Variants in UNC13B observed in about 807,000 individuals in gnomAD.
The protein encoded by UNC13B is protein unc-13 homolog B.
Under a neutral mutation model 211.0 loss-of-function variants are expected in UNC13B, and 144 were observed. The observed-to-expected ratio is 0.68, with a 90% CI of 0.60 to 0.78. UNC13B has a LOEUF of 0.78. Ranked by LOEUF, UNC13B falls within the 30% of genes least tolerant of loss-of-function variation. The pLI is 0.00. For synonymous variants in UNC13B, 709 were observed against 725.8 expected, an observed-to-expected ratio of 0.98 and a Z score of 0.37; for missense variants, 1,777 against 2,002.0, an observed-to-expected ratio of 0.89 and a Z score of 2.14.
intron 1 of UNC13B, among the ~76,000 whole-genome samples, chr9:35,180,023 C>A (rs543858412): frequency 6.6e-6 from 1 of 152,188 alleles, no homozygotes; most frequent in South Asian, 2.1e-4. Flanking sequence ...AAACAGTAAC[C>A]ATAGAAATCT....
chr9:35,351,580 C>T, intron 11 of UNC13B: 1 of 1,232,250 alleles, frequency 8.1e-7, no homozygotes, highest in Non-Finnish European at 1.0e-6. Flanking sequence ...CCTTGGGACC[C>T]TCCTCCAGGC....
chr9:35,359,341 A>G (rs1248418762), intron 11 of UNC13B, among the ~76,000 whole-genome samples: 2 of 151,978 alleles, frequency 1.3e-5, no homozygotes, highest in South Asian at 2.1e-4. Flanking sequence ...CCTCTCCCCA[A>G]CCTTGTAGCA....
intron 21 of UNC13B, among the ~76,000 whole-genome samples, chr9:35,383,384 T>C (rs1233651697): frequency 6.6e-6 from 1 of 152,198 alleles, no homozygotes; most frequent in Admixed American, 6.5e-5. Flanking sequence ...AAAATTACCA[T>C]TTTGGGCATA....
chr9:35,332,196 C>T (rs555318905), intron 11 of UNC13B, among the ~76,000 whole-genome samples: 20 of 152,098 alleles, frequency 1.3e-4, no homozygotes, highest in South Asian at 2.1e-4. Context: ...ATAATCCACC[C>T]GCCTCGGCCT....
intron 11 of UNC13B, among the ~76,000 whole-genome samples, chr9:35,354,988 A>G (rs568042327): frequency 1.2e-4 from 19 of 152,370 alleles, no homozygotes; most frequent in African/African-American, 4.6e-4. Flanking sequence ...AAGATTAAAA[A>G]TAACCTAAAA....
intron 7 of UNC13B, 125 bp downstream of exon 7, chr9:35,259,175 G>A: frequency 9.9e-7 from 1 of 1,013,948 alleles, no homozygotes. Flanking sequence ...TATTCCTGAA[G>A]CACATCTGTT....
intron 30 of UNC13B, 85 bp from the exon 31 acceptor site, chr9:35,398,126 C>A: frequency 7.7e-7 from 1 of 1,302,330 alleles, no homozygotes; most frequent in Non-Finnish European, 1.1e-6. Context: ...GTCCCTGTGG[C>A]TTTTGTGAGA....
At position 35,398,890 on chromosome 9, in the gene UNC13B, T is replaced by A; in HGVS notation, c.11930T>A (p.Val3977Glu). ...LSMVFGNSFQ[V>E]RIDECVRQMA... ...TGCGGGCACATGTGTAGTTTCCAGG[T>A]ACGGATTGATGAGTGTGTTCGACAA... Residue 3977 changes from valine to glutamate, a missense_variant, in exon 33 of 40, where the codon GTA (valine) becomes GAA (glutamate). Coordinates refer to ENST00000635942, the MANE Select transcript of UNC13B (RefSeq NM_001371189.2). 6.2e-7 allele frequency: 1 copy of A among 1,613,748 alleles called. No individual in the cohort carries two copies. Among genetic ancestry groups the A allele is most frequent in the Non-Finnish European group, 8.5e-7 (1 of 1,179,818 alleles).
At chr9:35,198,229 A>G (rs1300794836) in intron 1 of UNC13B, among the ~76,000 whole-genome samples, 1 of 152,218 alleles carries the variant, frequency 6.6e-6, no homozygotes, top group Non-Finnish European at 1.5e-5. Flanking sequence ...CGGAGTTCTC[A>G]TGAATAGGTC....
chr9:35,372,505 G>T (rs1230897253), intron 13 of UNC13B, among the ~76,000 whole-genome samples: 1 of 143,028 alleles, frequency 7.0e-6, no homozygotes, highest in Non-Finnish European at 1.5e-5. Context: ...AACTCTCTGG[G>T]CTTGGCAGAT....
At chr9:35,179,831 A>G (rs1257152083) in intron 1 of UNC13B, among the ~76,000 whole-genome samples, 1 of 152,140 alleles carries the variant, frequency 6.6e-6, no homozygotes, top group Non-Finnish European at 1.5e-5. Context: ...ATGATACTTT[A>G]GTGGTTTTAG....
At chr9:35,233,367 A>G (rs1825316881) in intron 3 of UNC13B, among the ~76,000 whole-genome samples, 1 of 152,004 alleles carries the variant, frequency 6.6e-6, no homozygotes, top group African/African-American at 2.4e-5. Flanking sequence ...CCCTGCTGTG[A>G]TATGTGTGAA....
chr9:35,184,203 A>G (rs1251779372), intron 1 of UNC13B, among the ~76,000 whole-genome samples: 2 of 151,460 alleles, frequency 1.3e-5, no homozygotes, highest in African/African-American at 2.4e-5. Flanking sequence ...GCGGCCGGGC[A>G]GAGGCGCTCC....
intron 1 of UNC13B, among the ~76,000 whole-genome samples, chr9:35,184,414 G>C (rs1327278494): frequency 6.6e-6 from 1 of 152,194 alleles, no homozygotes; most frequent in Non-Finnish European, 1.5e-5. Context: ...CTCCAGCCTG[G>C]GCAACACTGA....
chr9:35,213,308 G>C (rs1053430507), intron 1 of UNC13B, among the ~76,000 whole-genome samples: 3 of 152,092 alleles, frequency 2.0e-5, no homozygotes, highest in African/African-American at 7.3e-5. Flanking sequence ...CAGGCAGTTT[G>C]TACTCCTTTC....
rs143717358 is a variant in UNC13B at position 35,399,444 on chromosome 9, T to C, written c.12251T>C (p.Leu4084Pro). Reference sequence around the variant, plus strand: ...AAGGAGCTGAGCCATCTTTCCAAACTCAAGGTACTCTGGGTGTGGGGTCCT... The same window carrying C: ...AAGGAGCTGAGCCATCTTTCCAAACCCAAGGTACTCTGGGTGTGGGGTCCT... ...AAKELSHLSKLKDHMVREETR... is the reference protein window; with the variant it reads ...AAKELSHLSKPKDHMVREETR... Residue 4084 changes from leucine to proline, a missense_variant, in exon 35 of 40, where the codon CTC becomes CCC. Coordinates refer to ENST00000635942, the MANE Select transcript of UNC13B (RefSeq NM_001371189.2). 1.2e-6 allele frequency: 2 copies of C among 1,613,920 alleles called. No individual in the cohort carries two copies. Among genetic ancestry groups the C allele is most frequent in the African/African-American group, 2.7e-5 (2 of 74,864 alleles).
In UNC13B at chr9:35,219,045, G is replaced by A. The variant is rs557941199; in HGVS notation, c.23-8970G>A. Among the ~76,000 whole-genome samples, 19 of 152,270 alleles carry A rather than the reference G, an allele frequency of 1.2e-4. No individual in the cohort carries two copies. In the South Asian group the frequency reaches 3.7e-3, roughly 30 times the overall value. ...ATTACAGGCGTGAGCCACTGTGCCC[G>A]GCCAGTGTTCGTGTTTATTTTTCAT... On this transcript the variant is annotated intron_variant, in intron 1 of 39. Transcript: ENST00000635942.
At chr9:35,319,402 CAAAAAAAAAAAAA>C (rs74176715) in intron 11 of UNC13B, among the ~76,000 whole-genome samples, 64 of 56,190 alleles carry the variant, frequency 1.1e-3, no homozygotes, top group South Asian at 6.8e-3. Flanking sequence ...GACCCTATCT[CAAAAAAAAAAAAA>C]AAAAAAAAAA....
At chr9:35,276,532 A>T (rs1828187821) in intron 7 of UNC13B, among the ~76,000 whole-genome samples, 1 of 152,138 alleles carries the variant, frequency 6.6e-6, no homozygotes, top group South Asian at 2.1e-4. Flanking sequence ...CTAATTTTGA[A>T]TTCGTTGTGG....
Sources: allele counts gnomAD v4.1 joint callset (sites outside exome capture counted in the v4.1 genomes callset), GRCh38; gene constraint gnomAD v4.1.1; transcripts MANE v1.5; gene names NCBI Gene and HGNC (gene_info 2026-07-23, HGNC 2026-07-21).